Variants in LSAMP observed in about 807,000 individuals in gnomAD.
LSAMP encodes the protein limbic system-associated membrane protein.
Under a neutral mutation model 38.6 loss-of-function variants are expected in LSAMP, and 7 were observed. The observed-to-expected ratio is 0.18, with a 90% CI of 0.10 to 0.34. The LOEUF is 0.34. LSAMP is among the 10% of genes least tolerant of loss of function. The pLI, the probability that LSAMP is intolerant of heterozygous loss-of-function variation, is 1.00. For missense variants in LSAMP, 313 were observed against 420.0 expected, an observed-to-expected ratio of 0.75 and a Z score of 2.23; for synonymous variants, 154 against 166.8, an observed-to-expected ratio of 0.92 and a Z score of 0.59.
chr3:116,220,570 T>C (rs1469641024), intron 1 of LSAMP, among the ~76,000 whole-genome samples: 1 of 152,204 alleles, frequency 6.6e-6, no homozygotes, highest in Non-Finnish European at 1.5e-5. Flanking sequence ...GCATTGGAGA[T>C]GGCACATAGT....
At chr3:116,266,074 A>G (rs2046888137) in intron 1 of LSAMP, among the ~76,000 whole-genome samples, 1 of 152,000 alleles carries the variant, frequency 6.6e-6, no homozygotes, top group South Asian at 2.1e-4. Flanking sequence ...TTTGCTGACT[A>G]TTTTGTCCCC....
intron 3 of LSAMP, among the ~76,000 whole-genome samples, chr3:115,928,283 T>G (rs1042754366): frequency 6.6e-6 from 1 of 152,224 alleles, no homozygotes; most frequent in Non-Finnish European, 1.5e-5. Context: ...GCTTCTCTTC[T>G]TTAATGATTA....
intron 2 of LSAMP, among the ~76,000 whole-genome samples, chr3:116,078,275 C>CTCTT (rs986396988): frequency 2.1e-4 from 30 of 140,906 alleles, no homozygotes; most frequent in Non-Finnish European, 4.5e-4. Context: ...GCTTTATATC[C>CTCTT]TCTTTATTTA....
At chr3:116,371,025 G>C (rs2048423271) in intron 1 of LSAMP, among the ~76,000 whole-genome samples, 1 of 152,110 alleles carries the variant, frequency 6.6e-6, no homozygotes, top group African/African-American at 2.4e-5. Flanking sequence ...TAGAAAATCT[G>C]AATATATCTA....
chr3:115,925,195 C>G (rs537306912), intron 3 of LSAMP, among the ~76,000 whole-genome samples: 2 of 152,044 alleles, frequency 1.3e-5, no homozygotes, highest in Non-Finnish European at 2.9e-5. Flanking sequence ...GGAGCTTGGA[C>G]ACATGGGCTA....
At position 115,808,156 on chromosome 3, in the gene LSAMP, TCC is replaced by T. The variant is rs1933686981; in HGVS notation, c.*2159_*2160del. On this transcript the variant is annotated 3_prime_UTR_variant, in exon 7 of 7. Coordinates refer to ENST00000490035, the MANE Select transcript of LSAMP (RefSeq NM_002338.5). Reference sequence around the variant, plus strand: ...TCCCTCCCTCCCTCCCTCCCCCCCTTCCCCGTCCCCCCCTCCCTGCCTTCCTT... The same window carrying T: ...TCCCTCCCTCCCTCCCTCCCCCCCTTCCGTCCCCCCCTCCCTGCCTTCCTT... 1.8e-5 allele frequency: 1 copy of T among 56,124 alleles called. No homozygotes were observed. Among genetic ancestry groups the T allele is most frequent in the Admixed American group, 2.8e-4 (1 of 3,606 alleles). The allele number at this position is 56,124 out of a possible 1,614,324, so 3.5% of individuals were successfully genotyped here. A position where few individuals can be genotyped will look rare whatever the true frequency, so the allele number is the denominator to read the frequency against.
intron 3 of LSAMP, among the ~76,000 whole-genome samples, chr3:115,979,475 T>C (rs1272257961): frequency 6.6e-6 from 1 of 152,186 alleles, no homozygotes; most frequent in East Asian, 1.9e-4. Flanking sequence ...GATACAAGTA[T>C]TGCTTAGCAG....
At chr3:116,144,231 C>CT (rs1390333819) in intron 1 of LSAMP, among the ~76,000 whole-genome samples, 4 of 151,936 alleles carry the variant, frequency 2.6e-5, no homozygotes, top group African/African-American at 4.8e-5. Flanking sequence ...CTCATTAACT[C>CT]TGTTGTTCAA....
At chr3:115,939,873 G>T (rs1937851355) in intron 3 of LSAMP, among the ~76,000 whole-genome samples, 1 of 151,982 alleles carries the variant, frequency 6.6e-6, no homozygotes, top group Non-Finnish European at 1.5e-5. Flanking sequence ...ATGGTTTTGT[G>T]TCCAGCATTG....
intron 1 of LSAMP, among the ~76,000 whole-genome samples, chr3:116,339,186 T>G (rs2047960763): frequency 6.6e-6 from 1 of 151,504 alleles, no homozygotes; most frequent in Non-Finnish European, 1.5e-5. Context: ...CTGTAGAGAG[T>G]GGTGTAAGTA....
chr3:115,908,800 C>G (rs917252019), intron 3 of LSAMP, among the ~76,000 whole-genome samples: 1 of 152,176 alleles, frequency 6.6e-6, no homozygotes, highest in African/African-American at 2.4e-5. Context: ...TTACAGCTTT[C>G]TTTACAAAAG....
chr3:116,253,156 T>C (rs1331286761), intron 1 of LSAMP, among the ~76,000 whole-genome samples: 1 of 152,104 alleles, frequency 6.6e-6, no homozygotes, highest in Non-Finnish European at 1.5e-5. Context: ...TATATTACTA[T>C]TGCAAAGGGG....
intron 3 of LSAMP, among the ~76,000 whole-genome samples, chr3:115,960,195 C>A (rs984525023): frequency 2.6e-5 from 4 of 152,070 alleles, no homozygotes; most frequent in Admixed American, 2.6e-4. Context: ...TTAGGGTGAG[C>A]CCTAATCCAA....
At chr3:116,250,835 C>T (rs141996187) in intron 1 of LSAMP, among the ~76,000 whole-genome samples, 144 of 152,278 alleles carry the variant, frequency 9.5e-4, no homozygotes, top group African/African-American at 3.2e-3. Flanking sequence ...TGCCACTGCA[C>T]TCCAGCCTGG....
intron 1 of LSAMP, among the ~76,000 whole-genome samples, chr3:116,210,699 T>C (rs900917700): frequency 2.6e-5 from 4 of 152,176 alleles, no homozygotes; most frequent in African/African-American, 7.2e-5. Flanking sequence ...ATCCTATTAG[T>C]TGTGTCCCTT....
At chr3:115,840,691 A>G (rs1167549635) in intron 6 of LSAMP, among the ~76,000 whole-genome samples, 2 of 152,246 alleles carry the variant, frequency 1.3e-5, no homozygotes, top group Non-Finnish European at 2.9e-5. Context: ...CTTTAACACT[A>G]CATTTCAAGA....
At chr3:115,880,558 G>A (rs1165611072) in intron 3 of LSAMP, among the ~76,000 whole-genome samples, 2 of 152,024 alleles carry the variant, frequency 1.3e-5, no homozygotes, top group East Asian at 1.9e-4. Flanking sequence ...AAAGGACTAC[G>A]CTGAAAATTC....
At chr3:116,064,901 G>A (rs150680701) in intron 2 of LSAMP, among the ~76,000 whole-genome samples, 58 of 152,272 alleles carry the variant, frequency 3.8e-4, no homozygotes, top group African/African-American at 1.2e-3. Context: ...AAGCCACTAC[G>A]TACTAAACAT....
At chr3:116,013,624 T>C (rs963833066) in intron 3 of LSAMP, among the ~76,000 whole-genome samples, 4 of 152,258 alleles carry the variant, frequency 2.6e-5, no homozygotes, top group African/African-American at 4.8e-5. Flanking sequence ...AGTTTATACA[T>C]TGGCATATAT....
Sources: gnomAD v4.1 joint callset for allele counts (sites outside exome capture counted in the v4.1 genomes callset) on GRCh38, gnomAD v4.1.1 for gene constraint, MANE v1.5 for transcripts, NCBI Gene and HGNC (gene_info 2026-07-23, HGNC 2026-07-21) for gene names.